NEK4: variants seen among roughly 807,000 people sequenced by gnomAD.
NEK4 encodes the protein NIMA related kinase 4, also known as serine/threonine-protein kinase Nek4.
Under a neutral mutation model 98.4 loss-of-function variants are expected in NEK4, and 86 were observed. The ratio of observed to expected loss-of-function variants is 0.87; its 90% CI spans 0.73 to 1.05. The LOEUF is 1.05. NEK4 is among the 50% of genes least tolerant of loss of function. The pLI is 0.00. For missense variants in NEK4, 898 were observed against 950.3 expected, an observed-to-expected ratio of 0.94 and a Z score of 0.72; for synonymous variants, 328 against 342.2, an observed-to-expected ratio of 0.96 and a Z score of 0.46.
chr3:52,768,278 A>G lies in NEK4; in HGVS notation c.360+60T>C, dbSNP rs949757202. ...ATCTGAAGAAAAATTTTCCTAAAAT[A>G]CACCTGCCATCTTCTTGCCATCTGG... On this transcript the variant is annotated intron_variant, in intron 2 of 15. Coordinates refer to ENST00000233027, the MANE Select transcript of NEK4 (RefSeq NM_003157.6). 7 of 1,515,318 alleles carry G rather than the reference A, an allele frequency of 4.6e-6. No individual in the cohort carries two copies. In the African/African-American group the frequency reaches 5.5e-5, roughly 12 times the overall value. The allele number at this position is 1,515,318 out of a possible 1,614,324, so 93.9% of individuals were successfully genotyped here. A position where few individuals can be genotyped will look rare whatever the true frequency, so the allele number is the denominator to read the frequency against.
intron 15 of NEK4, chr3:52,734,010 C>A (rs2097372415): frequency 6.1e-6 from 1 of 163,484 alleles, no homozygotes; most frequent in Non-Finnish European, 1.3e-5. Context: ...CTGATCCACA[C>A]ACGGAAAGGT....
intron 15 of NEK4, among the ~76,000 whole-genome samples, chr3:52,722,370 C>T (rs1042067256): frequency 6.6e-6 from 1 of 152,076 alleles, no homozygotes; most frequent in East Asian, 1.9e-4. Context: ...CATGGCTGAG[C>T]GAGGCCTGGG....
Position 52,751,996 on chromosome 3 carries a change from C to A in NEK4, c.1304G>T (p.Gly435Val), listed in dbSNP as rs779988639. The part of the protein sequence containing the change: ...IPMWSSDIVT[G>V]EKNEPVKPLQ... ...AGGCTTCACTGGTTCATTCTTTTCC[C>A]CAGTGACAATGTCAGAGGACCACAT... The change falls in exon 7 of 16, where the codon GGG (glycine) becomes GTG (valine). Residue 435 changes from glycine (G) to valine (V), a missense_variant. By Grantham distance (109) the Gly-to-Val change is moderately radical. Coordinates refer to ENST00000233027, the MANE Select transcript of NEK4 (RefSeq NM_003157.6). The A allele has an allele frequency of 6.2e-7, 1 of 1,614,136 alleles. No individual in the cohort carries two copies. Among genetic ancestry groups the A allele is most frequent in the East Asian group, 2.2e-5 (1 of 44,890 alleles).
intron 6 of NEK4, among the ~76,000 whole-genome samples, chr3:52,760,048 G>T (rs1578695290): frequency 6.6e-6 from 1 of 152,304 alleles, no homozygotes; most frequent in East Asian, 1.9e-4. Flanking sequence ...ACTGGTGGTT[G>T]CCAGAGGCTG....
At chr3:52,727,898 C>T (rs2097366035) in intron 15 of NEK4, among the ~76,000 whole-genome samples, 1 of 151,978 alleles carries the variant, frequency 6.6e-6, no homozygotes, top group African/African-American at 2.4e-5. Flanking sequence ...AAAAGCAGTG[C>T]TAAGGGGGGA....
chr3:52,752,096 T>G lies in NEK4; in HGVS notation c.1204A>C (p.Ser402Arg). 6.2e-7 allele frequency: 1 copy of G among 1,614,272 alleles called. No homozygotes were observed. Residue 402 changes from serine to arginine, a missense_variant, in exon 7 of 16, where the codon AGT (serine) becomes CGT (arginine). By Grantham distance (110) the Ser-to-Arg change is moderately radical (BLOSUM62 -1). Transcript: ENST00000233027. ...DASNELGGIC[S>R]ISQVEEEMLQ... Reference sequence around the variant, plus strand: ...ATCTCCTCTTCCACTTGAGAAATACTGCATATACCTCCTAACTCATTAGAG... The same window carrying G: ...ATCTCCTCTTCCACTTGAGAAATACGGCATATACCTCCTAACTCATTAGAG...
chr3:52,714,966 G>A (rs1022543571), intron 15 of NEK4, among the ~76,000 whole-genome samples: 10 of 152,250 alleles, frequency 6.6e-5, no homozygotes, highest in African/African-American at 2.2e-4. Context: ...TAAGCTGAGG[G>A]GGAGTGGAGG....
intron 15 of NEK4, among the ~76,000 whole-genome samples, chr3:52,724,263 A>ACACACAC (rs1553914988): frequency 2.0e-5 from 3 of 151,412 alleles, no homozygotes; most frequent in Non-Finnish European, 3.0e-5. Context: ...ACACACACAC[A>ACACACAC]AAACTGTCAA....
intron 15 of NEK4, among the ~76,000 whole-genome samples, chr3:52,720,471 C>G (rs1356775893): frequency 6.6e-6 from 1 of 152,130 alleles, no homozygotes; most frequent in East Asian, 1.9e-4. Context: ...CACAGACAGA[C>G]ACATTAAGGT....
rs898114901 is a variant in NEK4 at position 52,709,665 on chromosome 3, C to T, written c.*2112G>A. 6 of 139,082 alleles carry T rather than the reference C, an allele frequency of 4.3e-5. No individual in the cohort carries two copies. The highest frequency in any genetic ancestry group is 1.7e-4 in the African/African-American group (6 of 35,900). 8.6% of individuals were successfully genotyped at this position (139,082 alleles called of 1,614,324 possible). On this transcript the variant is annotated 3_prime_UTR_variant, in exon 16 of 16. Transcript: ENST00000233027. ...GCAGTGAGCTATGATCACCTCACTG[C>T]ACTCCAGGCTGGGTGACAGAGCAAG...
At position 52,708,554 on chromosome 3, in the gene NEK4, G is replaced by A. The variant is rs1390734192; in HGVS notation, c.*3223C>T. Reference sequence around the variant, plus strand: ...AATATAAAACTCTAAAACTAGCCATGATTCAAAGGTTCAATAGCTATATGT... The same window carrying A: ...AATATAAAACTCTAAAACTAGCCATAATTCAAAGGTTCAATAGCTATATGT... On this transcript the variant is annotated 3_prime_UTR_variant, in exon 16 of 16. Transcript: ENST00000233027. 6.6e-6 allele frequency: 1 copy of A among 152,160 alleles called. No homozygotes were observed. The highest frequency in any genetic ancestry group is 2.4e-5 in the African/African-American group (1 of 41,440). 9.4% of individuals were successfully genotyped at this position (152,160 alleles called of 1,614,324 possible).
intron 4 of NEK4, 106 bp downstream of exon 4, chr3:52,765,781 A>C (rs1173954651): frequency 5.6e-6 from 4 of 711,200 alleles, no homozygotes; most frequent in African/African-American, 5.3e-5. Flanking sequence ...ACCCAATCTC[A>C]ATAATTACTC....
Position 52,710,816 on chromosome 3 carries a change from C to T in NEK4, c.*961G>A, listed in dbSNP as rs1055028835. The T allele has an allele frequency of 1.3e-5, 2 of 151,982 alleles. No individual in the cohort carries two copies. The highest frequency in any genetic ancestry group is 6.6e-5 in the Admixed American group (1 of 15,264). The allele number at this position is 151,982 out of a possible 1,614,324, so 9.4% of individuals were successfully genotyped here. A position where few individuals can be genotyped will look rare whatever the true frequency, so the allele number is the denominator to read the frequency against. On this transcript the variant is annotated 3_prime_UTR_variant, in exon 16 of 16. Coordinates refer to ENST00000233027, the MANE Select transcript of NEK4 (RefSeq NM_003157.6). ...AGCAATATTTATTTTTAGAGTCCCT[C>T]GAATACAGAAGTGAAAATGTACTAT...
chr3:52,723,265 G>C (rs1486847266), intron 15 of NEK4, among the ~76,000 whole-genome samples: 1 of 151,678 alleles, frequency 6.6e-6, no homozygotes, highest in East Asian at 1.9e-4. Context: ...AAGAAAAAAA[G>C]AATTTTTTTT....
intron 9 of NEK4, among the ~76,000 whole-genome samples, 165 bp downstream of exon 9, chr3:52,746,569 G>C (rs373127986): frequency 6.6e-6 from 1 of 152,172 alleles, no homozygotes; most frequent in Non-Finnish European, 1.5e-5. Flanking sequence ...ACTCTGCTTC[G>C]AACTCACTGA....
At chr3:52,770,055 T>G (rs1036935185) in intron 1 of NEK4, among the ~76,000 whole-genome samples, 16 of 152,226 alleles carry the variant, frequency 1.1e-4, no homozygotes, top group East Asian at 5.8e-4. Flanking sequence ...GTCTTAGTGA[T>G]AGATGAATAT....
intron 15 of NEK4, among the ~76,000 whole-genome samples, chr3:52,717,780 T>A (rs759465700): frequency 3.6e-4 from 55 of 152,170 alleles, no homozygotes; most frequent in Non-Finnish European, 7.1e-4. Context: ...CCACTTTAAT[T>A]AAATTATTAT....
chr3:52,766,304 G>A lies in NEK4; in HGVS notation c.432C>T (p.Ile144=). 1 of 1,614,050 alleles carries A rather than the reference G, an allele frequency of 6.2e-7. No individual in the cohort carries two copies. Among genetic ancestry groups the A allele is most frequent in the Non-Finnish European group, 8.5e-7 (1 of 1,179,904 alleles). The change falls in exon 3 of 16, where the codon ATC becomes ATT. Residue 144 remains isoleucine (I), a synonymous_variant. Coordinates refer to ENST00000233027, the MANE Select transcript of NEK4 (RefSeq NM_003157.6). Reference sequence around the variant, plus strand: ...CAATTCCTAGGTCCCCTACTTTGATGATGTTTGTTCTTGTTAGGAAGACAT... The same window carrying A: ...CAATTCCTAGGTCCCCTACTTTGATAATGTTTGTTCTTGTTAGGAAGACAT... ...TQNVFLTRTN[I]IKVGDLGIAR...
At chr3:52,744,171 A>C (rs1309249057) in intron 11 of NEK4, 68 bp downstream of exon 11, 2 of 1,105,984 alleles carry the variant, frequency 1.8e-6, no homozygotes, top group African/African-American at 1.5e-5. Context: ...CATAGTTAGA[A>C]CCAGTGTTTC....
Sources: gnomAD v4.1 joint callset for allele counts (sites outside exome capture counted in the v4.1 genomes callset) on GRCh38, gnomAD v4.1.1 for gene constraint, MANE v1.5 for transcripts, NCBI Gene and HGNC (gene_info 2026-07-23, HGNC 2026-07-21) for gene names.